Variants in GATB observed in about 807,000 individuals in gnomAD.
GATB encodes glutamyl-tRNA(Gln) amidotransferase subunit B, mitochondrial.
A neutral mutation model predicts 62.3 loss-of-function variants in GATB; 39 were observed. The observed-to-expected ratio is 0.63, with a 90% CI of 0.48 to 0.82. The LOEUF (loss-of-function observed/expected upper bound fraction) is 0.82. Among genes scored for constraint, GATB ranks in the 40% least tolerant of loss-of-function variants. The pLI, the probability that GATB is intolerant of heterozygous loss-of-function variation, is 0.00. For synonymous variants in GATB, 276 were observed against 258.9 expected, an observed-to-expected ratio of 1.07 and a Z score of -0.63; for missense variants, 670 against 684.0, an observed-to-expected ratio of 0.98 and a Z score of 0.23.
At chr4:151,731,443 G>A (rs1739248390) in intron 2 of GATB, among the ~76,000 whole-genome samples, 2 of 152,208 alleles carry the variant, frequency 1.3e-5, no homozygotes, top group South Asian at 2.1e-4. Context: ...CTGGAGTGCA[G>A]TGGCGTGATC....
At chr4:151,737,593 G>A (rs1220182552) in intron 2 of GATB, among the ~76,000 whole-genome samples, 1 of 152,206 alleles carries the variant, frequency 6.6e-6, no homozygotes, top group Non-Finnish European at 1.5e-5. Context: ...CCCCAAGACA[G>A]GGGGAAAATG....
At chr4:151,722,509 C>G in intron 2 of GATB, 2 of 377,658 alleles carry the variant, frequency 5.3e-6, no homozygotes, top group Non-Finnish European at 9.5e-6. Context: ...CCACCATGTC[C>G]CCCCACAACA....
chr4:151,682,405 C>T (rs1003571408), intron 10 of GATB, among the ~76,000 whole-genome samples: 1 of 152,182 alleles, frequency 6.6e-6, no homozygotes, highest in East Asian at 1.9e-4. Flanking sequence ...AGACTCGACA[C>T]GCAATGGCAG....
chr4:151,717,005 C>A lies in GATB; in HGVS notation c.511G>T (p.Ala171Ser). Residue 171 changes from alanine (A) to serine (S), a missense_variant, in exon 4 of 13, where the codon GCA becomes TCA. Ala to Ser is a moderately conservative substitution (Grantham distance 99, BLOSUM62 1). Transcript: ENST00000263985. The part of the protein sequence containing the change: ...VNGSLIYGVC[A>S]GKKQSQVIPK... Reference sequence around the variant, plus strand: ...ATCACCTGACTCTGCTTCTTCCCTGCACAGACGCCATATATCAAGCTCCCA... The same window carrying A: ...ATCACCTGACTCTGCTTCTTCCCTGAACAGACGCCATATATCAAGCTCCCA... The A allele has an allele frequency of 6.2e-7, 1 of 1,614,180 alleles. No individual in the cohort carries two copies. The highest frequency in any genetic ancestry group is 8.5e-7 in the Non-Finnish European group (1 of 1,180,038).
At position 151,744,241 on chromosome 4, in the gene GATB, T is replaced by G. The variant is rs115713326; in HGVS notation, c.327+14531A>C. Among the ~76,000 whole-genome samples the G allele has an allele frequency of 3.4e-3, 523 of 152,362 alleles. 1 individual carries two copies. The highest frequency in any genetic ancestry group is 0.012 in the African/African-American group (512 of 41,594). Reference sequence around the variant, plus strand: ...AAAATCCTTTTATATGGATGCCTCGTGTGTGTACGCACGTGTATGTACGTG... The same window carrying G: ...AAAATCCTTTTATATGGATGCCTCGGGTGTGTACGCACGTGTATGTACGTG... On this transcript the variant is annotated intron_variant, in intron 2 of 12. Coordinates refer to ENST00000263985, the MANE Select transcript of GATB (RefSeq NM_004564.3).
chr4:151,728,440 T>C (rs1006073646), intron 2 of GATB, among the ~76,000 whole-genome samples: 9 of 152,220 alleles, frequency 5.9e-5, no homozygotes, highest in Admixed American at 2.0e-4. Context: ...AATACAACTT[T>C]AGGATATGGC....
intron 5 of GATB, among the ~76,000 whole-genome samples, chr4:151,712,955 A>G (rs915599854): frequency 6.6e-6 from 1 of 152,204 alleles, no homozygotes; most frequent in Admixed American, 6.5e-5. Flanking sequence ...GTGATGGGCA[A>G]GAGAGACAAG....
chr4:151,755,979 G>A (rs1476716290), intron 2 of GATB, among the ~76,000 whole-genome samples: 2 of 152,044 alleles, frequency 1.3e-5, no homozygotes, highest in African/African-American at 2.4e-5. Flanking sequence ...TTTATTTGAG[G>A]GTAAAAAGAT....
chr4:151,713,317 C>A (rs947801945), intron 5 of GATB, among the ~76,000 whole-genome samples: 1 of 152,164 alleles, frequency 6.6e-6, no homozygotes. Flanking sequence ...GAAACCACCC[C>A]GCCTTCGGCC....
chr4:151,755,513 T>G (rs1351444001), intron 2 of GATB, among the ~76,000 whole-genome samples: 6 of 152,242 alleles, frequency 3.9e-5, no homozygotes, highest in Non-Finnish European at 8.8e-5. Flanking sequence ...ACTACGTCAA[T>G]AAACATGTTG....
intron 3 of GATB, 65 bp downstream of exon 3, chr4:151,719,360 C>T: frequency 8.7e-7 from 1 of 1,153,510 alleles, no homozygotes; most frequent in Non-Finnish European, 1.3e-6. Flanking sequence ...TTGCTCCGAC[C>T]CCCCACAGCA....
At chr4:151,756,828 C>T (rs915044370) in intron 2 of GATB, among the ~76,000 whole-genome samples, 8 of 152,142 alleles carry the variant, frequency 5.3e-5, no homozygotes, top group African/African-American at 9.7e-5. Flanking sequence ...AATTTAGGTA[C>T]AGCTGGAGAG....
chr4:151,693,712 G>A (rs75891989), intron 9 of GATB, among the ~76,000 whole-genome samples: 1,653 of 152,306 alleles, frequency 0.011, 12 homozygotes, highest in Middle Eastern at 0.024. Context: ...AGGCTTGGGA[G>A]CCCCTAAAAT....
intron 3 of GATB, chr4:151,717,305 A>G: frequency 1.8e-6 from 1 of 542,704 alleles, no homozygotes; most frequent in East Asian, 3.2e-5. Flanking sequence ...TCCACCCCTG[A>G]TAACGATGCA....
intron 5 of GATB, among the ~76,000 whole-genome samples, chr4:151,708,528 C>T (rs188583121): frequency 2.2e-3 from 331 of 152,184 alleles, no homozygotes; most frequent in Non-Finnish European, 3.5e-3. Context: ...ATCTGATAAC[C>T]CTACACTGCT....
In GATB at chr4:151,721,918, GAGA is replaced by G. The variant is rs533282246; in HGVS notation, c.328-2383_328-2381del. The G allele has an allele frequency of 3.3e-5, 15 of 455,152 alleles. 1 individual carries two copies. The South Asian group carries it at 4.9e-4, about 15-fold the overall frequency. The allele number at this position is 455,152 out of a possible 1,614,324, so 28.2% of individuals were successfully genotyped here. A position where few individuals can be genotyped will look rare whatever the true frequency, so the allele number is the denominator to read the frequency against. On this transcript the variant is annotated intron_variant, in intron 2 of 12. Coordinates refer to ENST00000263985, the MANE Select transcript of GATB (RefSeq NM_004564.3). The stretch of plus-strand genomic sequence containing the variant: ...GCACTTCATAAACCACCACTTTCCA[GAGA>G]AGAAGGCAGTAAAACACACAAACAT...
chr4:151,694,873 A>C (rs1738436863), intron 9 of GATB, among the ~76,000 whole-genome samples: 1 of 152,210 alleles, frequency 6.6e-6, no homozygotes, highest in Non-Finnish European at 1.5e-5. Context: ...AAAACAATCC[A>C]CTTAACAACC....
chr4:151,702,204 A>G (rs1443466143), intron 8 of GATB, among the ~76,000 whole-genome samples: 1 of 152,256 alleles, frequency 6.6e-6, no homozygotes, highest in East Asian at 1.9e-4. Flanking sequence ...TTTGCTTATT[A>G]GAAGGAAAGA....
chr4:151,747,960 T>C (rs960145953), intron 2 of GATB, among the ~76,000 whole-genome samples: 2 of 152,078 alleles, frequency 1.3e-5, no homozygotes, highest in African/African-American at 4.8e-5. Context: ...AATCAAGGGA[T>C]GTGAAGGACC....
Sources: gnomAD v4.1 joint callset for allele counts (sites outside exome capture counted in the v4.1 genomes callset) on GRCh38, gnomAD v4.1.1 for gene constraint, MANE v1.5 for transcripts, NCBI Gene and HGNC (gene_info 2026-07-23, HGNC 2026-07-21) for gene names.